CAPN3: variants seen among roughly 807,000 people sequenced by gnomAD.
CAPN3 encodes the protein calpain-3.
In CAPN3, 88 loss-of-function variants were observed where a neutral mutation model predicts 114.0. The ratio of observed to expected loss-of-function variants is 0.77; its 90% CI spans 0.65 to 0.92. CAPN3 has a LOEUF of 0.92. Ranked by LOEUF, CAPN3 falls within the 40% of genes least tolerant of loss-of-function variation. The pLI is 0.00. For synonymous variants in CAPN3, 386 were observed against 382.9 expected (o/e 1.01, Z -0.09); for missense variants, 1,028 against 1,069.0 (o/e 0.96, Z 0.53).
intron 1 of CAPN3, among the ~76,000 whole-genome samples, chr15:42,370,217 C>T (rs1031585017): frequency 3.3e-4 from 50 of 152,100 alleles, no homozygotes; most frequent in Admixed American, 3.0e-3. Context: ...CCATACCAGA[C>T]GGTCTCTTGC....
chr15:42,398,691 ATATG>A (rs2053776873), intron 9 of CAPN3, among the ~76,000 whole-genome samples: 1 of 131,224 alleles, frequency 7.6e-6, no homozygotes, highest in Non-Finnish European at 1.5e-5. Context: ...GTCTGTATAT[ATATG>A]TGTGTGTGTA....
chr15:42,411,674 T>TAAGA (rs2054244720), intron 23 of CAPN3, 73 bp from the exon 24 acceptor site: 2 of 598,568 alleles, frequency 3.3e-6, no homozygotes, highest in African/African-American at 3.0e-5. Flanking sequence ...TCTTGCCCCG[T>TAAGA]AAGATTCCTA....
chr15:42,403,838 G>A, intron 14 of CAPN3, 61 bp downstream of exon 14: 1 of 1,442,858 alleles, frequency 6.9e-7, no homozygotes, highest in Non-Finnish European at 9.8e-7. Flanking sequence ...GACCATGCAG[G>A]GGACAGATGG....
rs192538370 is a variant in CAPN3, at chr15:42,360,155, G to A, written c.309+41G>A. 425 of 1,612,730 alleles carry A rather than the reference G, an allele frequency of 2.6e-4. 1 individual carries two copies. The highest frequency in any genetic ancestry group is 1.2e-3 in the Middle Eastern group (7 of 5,768). ...CTTGCTGGCTGGGTTTTCCCCCCACGGAGGAGTCCTCTCACTCAGCACCTC... is the reference window on the plus strand; with the variant it reads ...CTTGCTGGCTGGGTTTTCCCCCCACAGAGGAGTCCTCTCACTCAGCACCTC... On this transcript the variant is annotated intron_variant, in intron 1 of 23. Coordinates refer to ENST00000397163, the MANE Select transcript of CAPN3 (RefSeq NM_000070.3).
chr15:42,383,805 TCA>T (rs2053310878), intron 1 of CAPN3, among the ~76,000 whole-genome samples: 1 of 151,698 alleles, frequency 6.6e-6, no homozygotes, highest in African/African-American at 2.4e-5. Context: ...ACTCCTGACC[TCA>T]AGTGATCCAC....
chr15:42,393,504 AGTTGC>A (rs757885614), intron 7 of CAPN3, among the ~76,000 whole-genome samples: 4 of 152,080 alleles, frequency 2.6e-5, no homozygotes, highest in Non-Finnish European at 5.9e-5. Flanking sequence ...TGAGAGGGGC[AGTTGC>A]CTGCATCACC....
intron 1 of CAPN3, among the ~76,000 whole-genome samples, chr15:42,363,041 A>G (rs2141109239): frequency 6.6e-6 from 1 of 152,326 alleles, no homozygotes; most frequent in South Asian, 2.1e-4. Context: ...TAAAGGGAGA[A>G]TTATTCCTGG....
intron 1 of CAPN3, among the ~76,000 whole-genome samples, chr15:42,375,837 T>C (rs989664363): frequency 1.3e-5 from 2 of 152,182 alleles, no homozygotes; most frequent in Non-Finnish European, 2.9e-5. Flanking sequence ...GTCCATACTT[T>C]TCCTTAGTTT....
At chr15:42,402,542 G>T (rs2053902385) in intron 12 of CAPN3, 2 of 1,453,276 alleles carry the variant, frequency 1.4e-6, no homozygotes, top group African/African-American at 1.4e-5. Context: ...CTTCGGAGCT[G>T]AGGAGCAGCT....
chr15:42,409,487 C>G, intron 17 of CAPN3, 107 bp downstream of exon 17: 1 of 1,156,740 alleles, frequency 8.6e-7, no homozygotes, highest in South Asian at 1.3e-5. Flanking sequence ...TCACTTTGGA[C>G]TTTGGTGGAG....
rs575411009 is a variant in CAPN3, at chr15:42,389,875, T to C, written c.802-78T>C. 5.4e-6 allele frequency: 8 copies of C among 1,470,788 alleles called. No individual in the cohort carries two copies. The Admixed American group carries it at 1.0e-4, about 19-fold the overall frequency. 91.1% of individuals were successfully genotyped at this position (1,470,788 alleles called of 1,614,324 possible). Reference sequence around the variant, plus strand: ...TTGTCTGTCCCATCTCTTTCTCCTCTCTCCTTCCCTTTCCACCCTTCTGTG... The same window carrying C: ...TTGTCTGTCCCATCTCTTTCTCCTCCCTCCTTCCCTTTCCACCCTTCTGTG... On this transcript the variant is annotated intron_variant, in intron 5 of 23. Transcript: ENST00000397163.
At position 42,360,950 on chromosome 15, in the gene CAPN3, G is replaced by T. The variant is rs189299826; in HGVS notation, c.309+836G>T. On this transcript the variant is annotated intron_variant, in intron 1 of 23. Coordinates refer to ENST00000397163, the MANE Select transcript of CAPN3 (RefSeq NM_000070.3). ...CCAGCACTGGGCAAGCAACTGGGGG[G>T]ACAGCAGTGAGTAAGAAAGACCAAA... Among the ~76,000 whole-genome samples the T allele has an allele frequency of 3.3e-5, 5 of 152,318 alleles. No individual in the cohort carries two copies. The East Asian group carries it at 7.7e-4, about 24-fold the overall frequency.
intron 15 of CAPN3, among the ~76,000 whole-genome samples, chr15:42,406,969 C>T (rs922313340): frequency 1.2e-4 from 19 of 152,272 alleles, no homozygotes; most frequent in African/African-American, 4.3e-4. Context: ...CCTAGATGAG[C>T]AGCATGGAAG....
chr15:42,412,309 T>G lies in CAPN3; in HGVS notation c.*536T>G, dbSNP rs2054286522. 3 of 845,806 alleles carry G rather than the reference T, an allele frequency of 3.5e-6. No homozygotes were observed. The South Asian group carries it at 5.2e-5, about 15-fold the overall frequency. 52.4% of individuals were successfully genotyped at this position (845,806 alleles called of 1,614,324 possible). ...GCTGATCTAAATAAAGGCATGTGTA[T>G]GGCTGGTCCCCTTGTGTTTTGTTGT... On this transcript the variant is annotated 3_prime_UTR_variant, in exon 24 of 24. Coordinates refer to ENST00000397163, the MANE Select transcript of CAPN3 (RefSeq NM_000070.3).
chr15:42,366,968 G>A (rs2052801066), intron 1 of CAPN3, among the ~76,000 whole-genome samples: 2 of 151,508 alleles, frequency 1.3e-5, no homozygotes, highest in Non-Finnish European at 2.9e-5. Context: ...CTAGTTGCTG[G>A]GACTACAGGC....
Position 42,410,591 on chromosome 15 carries a change from A to G in CAPN3, c.2188A>G (p.Ile730Val). 1 of 1,613,864 alleles carries G rather than the reference A, an allele frequency of 6.2e-7. No homozygotes were observed. Among genetic ancestry groups the G allele is most frequent in the South Asian group, 1.1e-5 (1 of 91,068 alleles). ...TCCTCAAATTTTCTATTGCCAGAAA[A>G]TTTTCAAACACTATGACACAGACCA... The part of the protein sequence containing the change: ...LWNKIKAWQK[I>V]FKHYDTDQSG... Residue 730 changes from isoleucine (I) to valine (V), a missense_variant, in exon 21 of 24, where the codon ATT becomes GTT. Physicochemically the swap from Ile to Val is conservative, Grantham distance 29. Transcript: ENST00000397163.
chr15:42,396,938 A>C, intron 9 of CAPN3, 61 bp downstream of exon 9: 39 of 1,211,802 alleles, frequency 3.2e-5, no homozygotes, highest in Non-Finnish European at 4.8e-5. Flanking sequence ...GGGAAATCTC[A>C]GACCTCAGTC....
chr15:42,359,556 A>C lies in CAPN3; in HGVS notation c.-250A>C. ...GCTGCTGGTAGGAGACCCCCAAGTC[A>C]ACATTGCTTCAGAAATCCTTTAGCA... On this transcript the variant is annotated 5_prime_UTR_variant, in exon 1 of 24. Transcript: ENST00000397163. The C allele has an allele frequency of 7.3e-7, 1 of 1,364,952 alleles. No individual in the cohort carries two copies. The highest frequency in any genetic ancestry group is 9.4e-7 in the Non-Finnish European group (1 of 1,058,418). The allele number at this position is 1,364,952 out of a possible 1,614,324, so 84.6% of individuals were successfully genotyped here.
rs143715730 is a variant in CAPN3, at chr15:42,373,741, G to A, written c.310-10742G>A. ...CTCTGCATCATTTTCACAGATGAGA[G>A]TCCCTAAATGACTGGTCAAGGTCTT... is the stretch of plus-strand genomic sequence containing the variant. On this transcript the variant is annotated intron_variant, in intron 1 of 23. Transcript: ENST00000397163. Among the ~76,000 whole-genome samples the A allele has an allele frequency of 1.7e-4, 26 of 152,274 alleles. No individual in the cohort carries two copies. In the East Asian group the frequency reaches 5.0e-3, roughly 29 times the overall value.
Sources: allele counts gnomAD v4.1 joint callset (sites outside exome capture counted in the v4.1 genomes callset), GRCh38; gene constraint gnomAD v4.1.1; transcripts MANE v1.5; gene names NCBI Gene and HGNC (gene_info 2026-07-23, HGNC 2026-07-21).